The following PKIB variants were observed in gnomAD, a reference collection of about 807,000 sequenced individuals.
PKIB encodes the protein PKI-beta.
PKIB carries 2 observed loss-of-function variants against 4.5 expected under a neutral mutation model. The ratio of observed to expected loss-of-function variants is 0.44; its 90% CI spans 0.18 to 1.39. The LOEUF (loss-of-function observed/expected upper bound fraction) is 1.39. Among genes scored for constraint, PKIB ranks in the 40% most tolerant of loss-of-function variants. PKIB has a pLI of 0.27. For synonymous variants in PKIB, 38 were observed against 36.0 expected, an observed-to-expected ratio of 1.06 and a Z score of -0.20; for missense variants, 94 against 92.6, an observed-to-expected ratio of 1.02 and a Z score of -0.06.
chr6:122,538,398 G>T (rs1481775949), intron 2 of PKIB, among the ~76,000 whole-genome samples: 1 of 151,992 alleles, frequency 6.6e-6, no homozygotes, highest in African/African-American at 2.4e-5. Flanking sequence ...TCTACATATG[G>T]CTAGCCAATT....
chr6:122,648,382 A>G (rs924996385), intron 2 of PKIB, among the ~76,000 whole-genome samples: 1 of 152,200 alleles, frequency 6.6e-6, no homozygotes, highest in Non-Finnish European at 1.5e-5. Flanking sequence ...TATTGAGCAC[A>G]TACATATTTA....
intron 3 of PKIB, among the ~76,000 whole-genome samples, chr6:122,703,274 G>GT (rs1162645046): frequency 4.7e-4 from 72 of 152,134 alleles, no homozygotes; most frequent in African/African-American, 1.7e-3. Context: ...ATAATTGAGG[G>GT]TTTTTTAATT....
chr6:122,576,577 A>C (rs1463908859), intron 2 of PKIB, among the ~76,000 whole-genome samples: 1 of 148,046 alleles, frequency 6.8e-6, no homozygotes, highest in African/African-American at 2.5e-5. Flanking sequence ...CTGAGGCAGG[A>C]GAATGGCGTG....
chr6:122,495,848 G>T (rs796657755), intron 2 of PKIB, among the ~76,000 whole-genome samples: 4 of 152,228 alleles, frequency 2.6e-5, no homozygotes, highest in South Asian at 2.1e-4. Flanking sequence ...GGTGAAACAG[G>T]TGTTTCCCAT....
At chr6:122,674,556 A>G (rs1249577038) in intron 2 of PKIB, among the ~76,000 whole-genome samples, 1 of 152,198 alleles carries the variant, frequency 6.6e-6, no homozygotes, top group African/African-American at 2.4e-5. Context: ...GATTTCCAAG[A>G]GCAAGATGGT....
intron 2 of PKIB, among the ~76,000 whole-genome samples, chr6:122,539,617 A>G (rs1215262735): frequency 6.6e-6 from 1 of 152,072 alleles, no homozygotes; most frequent in Non-Finnish European, 1.5e-5. Flanking sequence ...ATCAATGTTC[A>G]TCAAGGATAT....
At chr6:122,708,523 G>A (rs1283033226) in intron 3 of PKIB, among the ~76,000 whole-genome samples, 2 of 152,152 alleles carry the variant, frequency 1.3e-5, no homozygotes, top group African/African-American at 4.8e-5. Context: ...GACTTGTATG[G>A]TTCAGATGTT....
chr6:122,589,729 T>C (rs1773962264), intron 3 of PKIB, among the ~76,000 whole-genome samples: 1 of 152,012 alleles, frequency 6.6e-6, no homozygotes, highest in Admixed American at 6.6e-5. Context: ...ACAAAGCAGA[T>C]AACATAAATA....
rs567086088 is a variant in PKIB, at chr6:122,618,488, G to A, written c.-161+7953G>A. On this transcript the variant is annotated intron_variant, in intron 1 of 4. Transcript: ENST00000368452. ...TAATAATGTTTTAGAGATAATATAC[G>A]TTGCAATGAAAATCAGAAATTTCAG... is the stretch of plus-strand genomic sequence containing the variant. Among the ~76,000 whole-genome samples, 16 of 151,606 alleles carry A rather than the reference G, an allele frequency of 1.1e-4. No individual in the cohort carries two copies. The East Asian group carries it at 1.2e-3, about 11-fold the overall frequency.
chr6:122,497,114 A>G (rs916362734), intron 2 of PKIB, among the ~76,000 whole-genome samples: 7 of 152,224 alleles, frequency 4.6e-5, no homozygotes, highest in African/African-American at 1.4e-4. Context: ...AGAATTTTAT[A>G]TCCTGCCAAA....
At position 122,649,241 on chromosome 6, in the gene PKIB, A is replaced by G. The variant is rs568112932; in HGVS notation, c.-76+15874A>G. Among the ~76,000 whole-genome samples, 11 of 152,266 alleles carry G rather than the reference A, an allele frequency of 7.2e-5. No homozygotes were observed. In the South Asian group the frequency reaches 2.3e-3, roughly 32 times the overall value. On this transcript the variant is annotated intron_variant, in intron 2 of 4. Coordinates refer to ENST00000368452, the MANE Select transcript of PKIB (RefSeq NM_181795.3). The stretch of plus-strand genomic sequence containing the variant: ...ACTGTTGACCACAGCCCATCAGTCA[A>G]TATAGTCTTGTACGTCTGGCCATTT...
At chr6:122,529,757 C>T (rs989291595) in intron 2 of PKIB, among the ~76,000 whole-genome samples, 1 of 152,076 alleles carries the variant, frequency 6.6e-6, no homozygotes, top group Non-Finnish European at 1.5e-5. Flanking sequence ...ATGAATTATT[C>T]TACTTCCTTC....
At chr6:122,558,795 G>C (rs1772925842) in intron 2 of PKIB, among the ~76,000 whole-genome samples, 1 of 152,018 alleles carries the variant, frequency 6.6e-6, no homozygotes, top group South Asian at 2.1e-4. Flanking sequence ...GGTGGTATTT[G>C]GTTACATGAG....
At chr6:122,529,712 T>C (rs1000793250) in intron 2 of PKIB, among the ~76,000 whole-genome samples, 2 of 152,136 alleles carry the variant, frequency 1.3e-5, no homozygotes, top group East Asian at 3.9e-4. Context: ...ACAGTATTTA[T>C]TGATGATAGT....
chr6:122,579,221 GTCT>G (rs963434497), intron 2 of PKIB, among the ~76,000 whole-genome samples: 16 of 152,082 alleles, frequency 1.1e-4, no homozygotes, highest in Admixed American at 1.3e-4. Flanking sequence ...CTTCCTTATA[GTCT>G]TCTTACATTC....
rs193014870 is a variant in PKIB at position 122,674,204 on chromosome 6, A to G, written c.-75-874A>G. Among the ~76,000 whole-genome samples the G allele has an allele frequency of 6.4e-3, 981 of 152,280 alleles. 9 individuals carry two copies. The highest frequency in any genetic ancestry group is 0.022 in the African/African-American group (916 of 41,548). Reference sequence around the variant, plus strand: ...GGGCTTGATATTGTAGGTGATAGGCAAACTAATAAGGGTTAATTGTAGAAT... The same window carrying G: ...GGGCTTGATATTGTAGGTGATAGGCGAACTAATAAGGGTTAATTGTAGAAT... On this transcript the variant is annotated intron_variant, in intron 2 of 4. Transcript: ENST00000368452.
intron 3 of PKIB, among the ~76,000 whole-genome samples, chr6:122,712,719 A>G (rs1426772033): frequency 1.3e-5 from 2 of 152,194 alleles, no homozygotes; most frequent in Non-Finnish European, 2.9e-5. Context: ...AAAATGAGCA[A>G]TGGTTTCACT....
chr6:122,563,071 G>T (rs1220100648), intron 2 of PKIB, among the ~76,000 whole-genome samples: 3 of 152,064 alleles, frequency 2.0e-5, no homozygotes, highest in Non-Finnish European at 4.4e-5. Context: ...TGGTTTTCTG[G>T]TTCCTTCTCA....
At chr6:122,619,099 A>T (rs962477515) in intron 1 of PKIB, among the ~76,000 whole-genome samples, 2 of 152,094 alleles carry the variant, frequency 1.3e-5, no homozygotes, top group Non-Finnish European at 2.9e-5. Flanking sequence ...ATCTGTTTGC[A>T]AGAGCTTTTT....
Sources: gnomAD v4.1 joint callset for allele counts (sites outside exome capture counted in the v4.1 genomes callset) on GRCh38, gnomAD v4.1.1 for gene constraint, MANE v1.5 for transcripts, NCBI Gene and HGNC (gene_info 2026-07-23, HGNC 2026-07-21) for gene names.